The following DIDO1 variants were observed in gnomAD, a reference collection of about 807,000 sequenced individuals.
DIDO1 encodes death inducer-obliterator 1, also known as death-inducer obliterator 1.
A neutral mutation model predicts 99.4 loss-of-function variants in DIDO1; 16 were observed. The observed-to-expected ratio is 0.16, with a 90% CI of 0.11 to 0.24. DIDO1 has a LOEUF of 0.24. DIDO1 is among the 10% of genes least tolerant of loss of function. The pLI is 1.00. For missense variants in DIDO1, 2,996 were observed against 3,014.0 expected (o/e 0.99, Z 0.14); for synonymous variants, 1,366 against 1,239.1 (o/e 1.10, Z -2.15).
chr20:62,934,887 T>C (rs1489247234), intron 1 of DIDO1, among the ~76,000 whole-genome samples: 2 of 152,348 alleles, frequency 1.3e-5, no homozygotes, highest in Non-Finnish European at 1.5e-5. Context: ...GGCCACTTTC[T>C]TGCTACCCTT....
chr20:62,880,043 C>T lies in DIDO1; in HGVS notation c.5913G>A (p.Arg1971=). ...GIQPQQFEDQ[R]VHSPPRFTNQ... ...TTGTGAATCTTGGTGGTGAATGGAC[C>T]CTCTGGTCTTCGAACTGCTGAGGCT... is the stretch of plus-strand genomic sequence containing the variant. The change falls in exon 16 of 16, where the codon AGG becomes AGA. Residue 1971 remains arginine, a synonymous_variant. Transcript: ENST00000395343. 1 of 1,611,344 alleles carries T rather than the reference C, an allele frequency of 6.2e-7. No homozygotes were observed. The highest frequency in any genetic ancestry group is 8.5e-7 in the Non-Finnish European group (1 of 1,180,004).
chr20:62,922,418 C>T (rs1037949915), intron 1 of DIDO1, among the ~76,000 whole-genome samples: 24 of 152,002 alleles, frequency 1.6e-4, no homozygotes, highest in African/African-American at 5.8e-4. Context: ...CCAGGACAAG[C>T]CCTCAGTTAA....
intron 6 of DIDO1, 131 bp from the exon 7 acceptor site, chr20:62,897,127 A>T (rs963077971): frequency 1.3e-5 from 11 of 820,082 alleles, no homozygotes; most frequent in Non-Finnish European, 1.9e-5. Flanking sequence ...ACACATAGAG[A>T]AAAGGATTTG....
chr20:62,916,587 A>T (rs1291009497), intron 1 of DIDO1, among the ~76,000 whole-genome samples: 1 of 152,248 alleles, frequency 6.6e-6, no homozygotes, highest in African/African-American at 2.4e-5. Flanking sequence ...TTTCTAAAAC[A>T]AACAAAAATG....
intron 6 of DIDO1, among the ~76,000 whole-genome samples, chr20:62,904,807 A>AAAAAAAAAAAAAAT (rs1568859998): frequency 1.8e-4 from 26 of 141,690 alleles, no homozygotes; most frequent in Non-Finnish European, 2.9e-4. Context: ...AAAAAAAAAA[A>AAAAAAAAAAAAAAT]GTGTCTTTTT....
In DIDO1 at chr20:62,882,467, C is replaced by T. The variant is rs60911036; in HGVS notation, c.3542-53G>A. ...TTAGAATCTAAATCCAGCTTTTACC[C>T]TTTAGAGGTGAATTTCATTAAGGGC... On this transcript the variant is annotated intron_variant, in intron 15 of 15. Transcript: ENST00000395343. 2,728 of 1,519,786 alleles carry T rather than the reference C, an allele frequency of 1.8e-3. 50 individuals carry two copies. In the African/African-American group the frequency reaches 0.033, roughly 19 times the overall value. The allele number at this position is 1,519,786 out of a possible 1,614,324, so 94.1% of individuals were successfully genotyped here. A position where few individuals can be genotyped will look rare whatever the true frequency, so the allele number is the denominator to read the frequency against.
At chr20:62,884,583 A>G (rs951010925) in intron 15 of DIDO1, among the ~76,000 whole-genome samples, 4 of 152,204 alleles carry the variant, frequency 2.6e-5, no homozygotes, top group African/African-American at 9.7e-5. Context: ...ACCACCATGT[A>G]GTTCTAAGTA....
chr20:62,882,917 T>TC (rs1451510426), intron 15 of DIDO1, among the ~76,000 whole-genome samples: 1 of 48,876 alleles, frequency 2.0e-5, no homozygotes, highest in Non-Finnish European at 3.6e-5. Flanking sequence ...CAAACAGCCT[T>TC]TTTTTTTTTT....
intron 1 of DIDO1, among the ~76,000 whole-genome samples, chr20:62,937,578 A>G (rs959655891): frequency 1.2e-4 from 19 of 152,278 alleles, no homozygotes; most frequent in Non-Finnish European, 2.2e-4. Flanking sequence ...TCTCGAGTAA[A>G]GCGGGGGAAC....
intron 14 of DIDO1, among the ~76,000 whole-genome samples, chr20:62,891,718 G>A (rs1441125480): frequency 2.0e-5 from 3 of 150,566 alleles, no homozygotes; most frequent in Admixed American, 6.6e-5. Flanking sequence ...AACTTCTACC[G>A]CGGCACACTC....
chr20:62,885,235 G>C (rs1403073800), intron 15 of DIDO1, among the ~76,000 whole-genome samples: 1 of 152,166 alleles, frequency 6.6e-6, no homozygotes, highest in East Asian at 1.9e-4. Context: ...ACAGGCATGG[G>C]CTAGGCCTCG....
chr20:62,893,657 A>G lies in DIDO1; in HGVS notation c.3101+9T>C, dbSNP rs1314531844. On this transcript the variant is annotated intron_variant, in intron 12 of 15. Transcript: ENST00000395343. ...TTTGGCTTGTTCAGACCACACCTGA[A>G]GTACGCACCTGATATTTGGTGACGG... 9 of 1,587,530 alleles carry G rather than the reference A, an allele frequency of 5.7e-6. No individual in the cohort carries two copies. The East Asian group carries it at 1.8e-4, about 32-fold the overall frequency.
At chr20:62,905,102 CTTCAT>C (rs2064771310) in intron 6 of DIDO1, 1 of 996,728 alleles carries the variant, frequency 1.0e-6, no homozygotes, top group South Asian at 4.5e-5. Flanking sequence ...TTTGAAATAT[CTTCAT>C]TTCATTAATT....
At chr20:62,899,432 G>A (rs766641058) in intron 6 of DIDO1, among the ~76,000 whole-genome samples, 15 of 152,290 alleles carry the variant, frequency 9.8e-5, no homozygotes, top group Non-Finnish European at 1.6e-4. Context: ...CATTTCTCCA[G>A]ATCGTAAGTG....
chr20:62,894,010 A>G lies in DIDO1; in HGVS notation c.2757T>C (p.Ala919=), dbSNP rs1600938437. The change falls in exon 12 of 16, where the codon GCT becomes GCC. Residue 919 remains alanine (A), a synonymous_variant. Transcript: ENST00000395343. The surrounding 1 kb of genome is among the most constrained non-coding windows in gnomAD (Gnocchi z 4.4). ...ACGTTCTGTCCACATTTGGATGAGA[A>G]GCACTTTCTAGGCCTGGCTCAGAGG... ...EVASEPGLES[A]SHPNVDRTYF... is the part of the protein sequence containing the mutation. The G allele has an allele frequency of 2.5e-6, 4 of 1,614,208 alleles. No individual in the cohort carries two copies. The East Asian group carries it at 8.9e-5, about 36-fold the overall frequency.
At chr20:62,892,316 T>C (rs999856726) in intron 13 of DIDO1, among the ~76,000 whole-genome samples, 2 of 152,172 alleles carry the variant, frequency 1.3e-5, no homozygotes, top group Non-Finnish European at 2.9e-5. Flanking sequence ...GCCCAACACT[T>C]CTATGCTGTC....
At position 62,879,695 on chromosome 20, in the gene DIDO1, C is replaced by G. The variant is rs748972645; in HGVS notation, c.6261G>C (p.Gln2087His). Residue 2087 changes from glutamine to histidine, a missense_variant, in exon 16 of 16, where the codon CAG becomes CAC. This residue lies in a region of DIDO1 where 1,562 missense variants were observed against 1,412.6 expected (regional missense o/e 1.11). Transcript: ENST00000395343. The surrounding 1 kb of genome is among the most constrained non-coding windows in gnomAD (Gnocchi z 6.3). ...TGGGCCCCACGTCAAACCGCTCTCT[C>G]TGCCTCCCTTCGAAAGTCTGGTTTC... ...EYRNQTFEGR[Q>H]RERFDVGPKE... 3.1e-6 allele frequency: 5 copies of G among 1,611,056 alleles called. No homozygotes were observed. In the Admixed American group the frequency reaches 8.3e-5, roughly 27 times the overall value.
In DIDO1 at chr20:62,926,505, T is replaced by A. The variant is rs2065259387; in HGVS notation, c.-266A>T. The A allele has an allele frequency of 6.6e-6, 1 of 151,060 alleles. No individual in the cohort carries two copies. The highest frequency in any genetic ancestry group is 1.5e-5 in the Non-Finnish European group (1 of 67,728). The allele number at this position is 151,060 out of a possible 1,614,324, so 9.4% of individuals were successfully genotyped here. On this transcript the variant is annotated 5_prime_UTR_variant, in exon 1 of 16. Coordinates refer to ENST00000395343, the MANE Select transcript of DIDO1 (RefSeq NM_001193369.2). ...CGGAGTGGGCGGACGGCCACCGAGA[T>A]GGCGCGGGGCTAGAGCGGCGCCCCC...
intron 6 of DIDO1, among the ~76,000 whole-genome samples, chr20:62,902,377 T>C (rs1568856760): frequency 6.6e-6 from 1 of 152,222 alleles, no homozygotes; most frequent in Non-Finnish European, 1.5e-5. Flanking sequence ...CAAATTCTGA[T>C]TTTTCTAATT....
Sources: allele counts gnomAD v4.1 joint callset (sites outside exome capture counted in the v4.1 genomes callset), GRCh38; gene constraint gnomAD v4.1.1; regional missense constraint gnomAD v4.1.1; non-coding constraint Gnocchi (gnomAD v3.1); transcripts MANE v1.5; gene names NCBI Gene and HGNC (gene_info 2026-07-23, HGNC 2026-07-21).